CCDC152: variants seen among roughly 807,000 people sequenced by gnomAD.
CCDC152 encodes coiled-coil domain containing 152.
A neutral mutation model predicts 38.1 loss-of-function variants in CCDC152; 37 were observed. That is an observed-to-expected ratio of 0.97 (90% confidence interval 0.75 to 1.28). The LOEUF is 1.28. Ranked by LOEUF, CCDC152 falls within the 50% of genes most tolerant of loss-of-function variation. CCDC152 has a pLI of 0.00. For missense variants in CCDC152, 259 were observed against 292.1 expected (o/e 0.89, Z 0.83); for synonymous variants, 83 against 87.1 (o/e 0.95, Z 0.26).
intron 6 of CCDC152, among the ~76,000 whole-genome samples, chr5:42,795,818 T>C (rs1579723546): frequency 6.6e-6 from 1 of 151,472 alleles, no homozygotes; most frequent in African/African-American, 2.4e-5. Flanking sequence ...CTATTCACAA[T>C]AGCAAAGACT....
intron 4 of CCDC152, among the ~76,000 whole-genome samples, chr5:42,771,851 C>G (rs547901477): frequency 6.0e-4 from 91 of 152,232 alleles, no homozygotes; most frequent in African/African-American, 2.1e-3. Context: ...AGTAATACCG[C>G]TTTTTCTTAA....
chr5:42,790,587 G>A (rs1162359067), intron 6 of CCDC152, among the ~76,000 whole-genome samples: 1 of 152,160 alleles, frequency 6.6e-6, no homozygotes, highest in Non-Finnish European at 1.5e-5. Flanking sequence ...ACATTTGTGA[G>A]GGTAAATGGG....
At chr5:42,769,559 C>A in intron 3 of CCDC152, 38 bp from the exon 4 acceptor site, 2 of 1,425,820 alleles carry the variant, frequency 1.4e-6, no homozygotes, top group Non-Finnish European at 9.2e-7. Flanking sequence ...AAAATGAAAG[C>A]AAGGGATTTT....
chr5:42,791,137 T>C (rs1759994580), intron 6 of CCDC152, among the ~76,000 whole-genome samples: 1 of 152,236 alleles, frequency 6.6e-6, no homozygotes, highest in African/African-American at 2.4e-5. Context: ...GGATGATAAT[T>C]TTTTAATTGA....
intron 3 of CCDC152, among the ~76,000 whole-genome samples, chr5:42,768,340 G>A (rs1294177228): frequency 6.6e-6 from 1 of 151,722 alleles, no homozygotes; most frequent in African/African-American, 2.4e-5. Flanking sequence ...GCCTACTATG[G>A]ACCACAAGTG....
chr5:42,801,472 G>T lies in CCDC152; in HGVS notation c.*1691G>T. 1 of 625,036 alleles carries T rather than the reference G, an allele frequency of 1.6e-6. No homozygotes were observed. Among genetic ancestry groups the T allele is most frequent in the Non-Finnish European group, 2.7e-6 (1 of 372,362 alleles). The allele number at this position is 625,036 out of a possible 1,614,324, so 38.7% of individuals were successfully genotyped here. On this transcript the variant is annotated 3_prime_UTR_variant, in exon 9 of 9. Coordinates refer to ENST00000361970, the MANE Select transcript of CCDC152 (RefSeq NM_001134848.2). The stretch of plus-strand genomic sequence containing the variant: ...GGCTTTGTATTATATTAATGAGAAA[G>T]AGTCTGATGTTAGTCTCAACACCTA...
chr5:42,769,092 T>C (rs1209202294), intron 3 of CCDC152, among the ~76,000 whole-genome samples: 1 of 151,844 alleles, frequency 6.6e-6, no homozygotes, highest in African/African-American at 2.4e-5. Context: ...TACAAAAATA[T>C]ACAAAAACTA....
At chr5:42,788,595 A>C (rs141615331) in intron 6 of CCDC152, among the ~76,000 whole-genome samples, 11 of 152,046 alleles carry the variant, frequency 7.2e-5, no homozygotes, top group African/African-American at 9.7e-5. Flanking sequence ...TAACTGTCCA[A>C]ATATTTTTGC....
chr5:42,779,662 T>C, intron 5 of CCDC152, 140 bp downstream of exon 5: 2 of 455,294 alleles, frequency 4.4e-6, no homozygotes, highest in Admixed American at 4.0e-5. Context: ...TATACGTATA[T>C]ATGCCAAAAT....
At position 42,802,271 on chromosome 5, in the gene CCDC152, C is replaced by G. The variant is rs1348515389; in HGVS notation, c.*2490C>G. 6.6e-6 allele frequency: 1 copy of G among 152,162 alleles called. No homozygotes were observed. Among genetic ancestry groups the G allele is most frequent in the Non-Finnish European group, 1.5e-5 (1 of 68,024 alleles). 9.4% of individuals were successfully genotyped at this position (152,162 alleles called of 1,614,324 possible). On this transcript the variant is annotated 3_prime_UTR_variant, in exon 9 of 9. Transcript: ENST00000361970. ...TTTTGTGGTACCTACTAATCAGAGA[C>G]TCAAAGCCTATAGATACAGAAATGT... is the stretch of plus-strand genomic sequence containing the variant.
intron 3 of CCDC152, among the ~76,000 whole-genome samples, chr5:42,767,826 A>C (rs1759645700): frequency 1.3e-5 from 2 of 152,238 alleles, no homozygotes; most frequent in Admixed American, 1.3e-4. Flanking sequence ...ATTATTCTAA[A>C]AGGCACAAAG....
chr5:42,759,891 G>A (rs1009812947), intron 2 of CCDC152, among the ~76,000 whole-genome samples: 1 of 152,102 alleles, frequency 6.6e-6, no homozygotes, highest in African/African-American at 2.4e-5. Flanking sequence ...TCATAGTTAT[G>A]TATGTAGAGG....
At chr5:42,786,030 G>T (rs147977541) in intron 6 of CCDC152, among the ~76,000 whole-genome samples, 1 of 151,802 alleles carries the variant, frequency 6.6e-6, no homozygotes, top group East Asian at 1.9e-4. Context: ...TTTTGTTGGG[G>T]ATTTTTGAAT....
intron 2 of CCDC152, among the ~76,000 whole-genome samples, chr5:42,761,766 CAT>C (rs1291224658): frequency 6.6e-6 from 1 of 152,042 alleles, no homozygotes; most frequent in Non-Finnish European, 1.5e-5. Flanking sequence ...ATTTTGGAAA[CAT>C]ATATAAGGAA....
chr5:42,779,520 C>CTTT lies in CCDC152; in HGVS notation c.325_326insTTT (p.Gln109delinsLeuTer). ...AAAAGAGAAGTTAAAGTCTCATGAA[C>CTTT]AGGTGAGTTTATGTATCATTCTATT... On this transcript the variant is annotated stop_gained and protein_altering_variant and splice_region_variant, in exon 5 of 9. Coordinates refer to ENST00000361970, the MANE Select transcript of CCDC152 (RefSeq NM_001134848.2). LOFTEE classifies it high-confidence loss of function. 1 of 1,492,290 alleles carries CTTT rather than the reference C, an allele frequency of 6.7e-7. No homozygotes were observed. The highest frequency in any genetic ancestry group is 9.1e-7 in the Non-Finnish European group (1 of 1,093,860). 92.4% of individuals were successfully genotyped at this position (1,492,290 alleles called of 1,614,324 possible).
At chr5:42,782,115 C>G (rs1759854776) in intron 5 of CCDC152, among the ~76,000 whole-genome samples, 1 of 152,168 alleles carries the variant, frequency 6.6e-6, no homozygotes. Context: ...ACTCATCTTT[C>G]TCTCTATGCC....
At chr5:42,787,454 A>G (rs533122978) in intron 6 of CCDC152, among the ~76,000 whole-genome samples, 1 of 152,008 alleles carries the variant, frequency 6.6e-6, no homozygotes, top group South Asian at 2.1e-4. Context: ...GTTGCCTTGC[A>G]ATCCATATTT....
intron 8 of CCDC152, 37 bp from the exon 9 acceptor site, chr5:42,799,622 T>TATA (rs1760133922): frequency 2.0e-6 from 3 of 1,479,408 alleles, no homozygotes; most frequent in Non-Finnish European, 2.7e-6. Context: ...TAAATTTTAT[T>TATA]TCTGAATTCT....
At chr5:42,768,258 C>A (rs1454011499) in intron 3 of CCDC152, among the ~76,000 whole-genome samples, 1 of 152,206 alleles carries the variant, frequency 6.6e-6, no homozygotes, top group Non-Finnish European at 1.5e-5. Context: ...TCCCTACTTA[C>A]CCCTTATCTG....
Sources: gnomAD v4.1 joint callset for allele counts (sites outside exome capture counted in the v4.1 genomes callset) on GRCh38, gnomAD v4.1.1 for gene constraint, MANE v1.5 for transcripts, NCBI Gene and HGNC (gene_info 2026-07-23, HGNC 2026-07-21) for gene names.